Variants in CUX1 observed in about 807,000 individuals in gnomAD.
The protein encoded by CUX1 is cut like homeobox 1, also known as protein CASP.
In CUX1, 31 loss-of-function variants were observed where a neutral mutation model predicts 158.8. The ratio of observed to expected loss-of-function variants is 0.20; its 90% CI spans 0.15 to 0.26. The LOEUF (loss-of-function observed/expected upper bound fraction) is 0.26, where lower values mean the gene tolerates loss of function less well. Ranked by LOEUF, CUX1 falls within the 10% of genes least tolerant of loss-of-function variation. The probability of loss-of-function intolerance (pLI) is 1.00; values close to 1 mark genes in which losing one functional copy is unlikely to be tolerated. For synonymous variants in CUX1, 879 were observed against 862.1 expected (o/e 1.02, Z -0.34); for missense variants, 1,589 against 2,014.6 (o/e 0.79, Z 4.04).
chr7:102,243,653 T>TA (rs1472725398), intron 23 of CUX1, among the ~76,000 whole-genome samples: 5 of 144,366 alleles, frequency 3.5e-5, no homozygotes, highest in Admixed American at 7.0e-5. Flanking sequence ...ATAATAATAA[T>TA]AATAATAATA....
chr7:102,280,841 A>AC lies in CUX1; in HGVS notation c.1803dup (p.Lys602GlnfsTer58). 6.2e-7 allele frequency: 1 copy of AC among 1,612,710 alleles called. No homozygotes were observed. The highest frequency in any genetic ancestry group is 2.2e-5 in the East Asian group (1 of 44,872). On this transcript the variant is annotated frameshift_variant, in exon 20 of 23. Coordinates refer to the CUX1 transcript ENST00000292538. LOFTEE classifies it high-confidence loss of function. ...AAGTACCTGAGCTTGAGTCCCTGGG[A>AC]CAAGGCCACCCTCAGCATGGTGAGT...
At chr7:101,820,986 G>A (rs959199212) in intron 1 of CUX1, among the ~76,000 whole-genome samples, 5 of 152,200 alleles carry the variant, frequency 3.3e-5, no homozygotes, top group Non-Finnish European at 4.4e-5. Flanking sequence ...CAAAGCAGTC[G>A]TGCTGGGCGC....
At chr7:101,910,055 G>C (rs968290446) in intron 1 of CUX1, among the ~76,000 whole-genome samples, 2 of 152,160 alleles carry the variant, frequency 1.3e-5, no homozygotes, top group Non-Finnish European at 2.9e-5. Flanking sequence ...AAGTAGCTGG[G>C]ATTACAGATG....
intron 1 of CUX1, among the ~76,000 whole-genome samples, chr7:101,821,210 T>C (rs1584637611): frequency 6.6e-6 from 1 of 152,144 alleles, no homozygotes; most frequent in Non-Finnish European, 1.5e-5. Flanking sequence ...CATTTTATTA[T>C]ACCCCAATAA....
chr7:101,955,728 G>A (rs1450308226), intron 2 of CUX1, among the ~76,000 whole-genome samples: 1 of 152,152 alleles, frequency 6.6e-6, no homozygotes, highest in Non-Finnish European at 1.5e-5. Flanking sequence ...CTCCACTAAC[G>A]GGAAATCAGA....
intron 1 of CUX1, among the ~76,000 whole-genome samples, chr7:101,864,592 C>T (rs1453792640): frequency 6.6e-6 from 1 of 152,052 alleles, no homozygotes; most frequent in Non-Finnish European, 1.5e-5. Context: ...GCTCTGTCGC[C>T]CAGGCTGGGG....
chr7:102,226,492 C>T (rs1554528627), intron 20 of CUX1, among the ~76,000 whole-genome samples: 1 of 152,220 alleles, frequency 6.6e-6, no homozygotes. Context: ...GCCGTGATTG[C>T]ACCACTGCAC....
intron 3 of CUX1, among the ~76,000 whole-genome samples, chr7:102,046,768 A>ATTTTTTT: frequency 6.6e-6 from 1 of 150,682 alleles, no homozygotes; most frequent in Non-Finnish European, 1.5e-5. Context: ...TTTTGAAGAG[A>ATTTTTTT]TGAGGGCTTG....
chr7:101,989,463 A>C (rs1414362381), intron 2 of CUX1, among the ~76,000 whole-genome samples: 2 of 152,228 alleles, frequency 1.3e-5, no homozygotes, highest in East Asian at 3.9e-4. Context: ...ATGTTAGGAA[A>C]GTCTGTAAGC....
intron 6 of CUX1, among the ~76,000 whole-genome samples, chr7:102,105,320 C>T (rs548347825): frequency 9.9e-5 from 15 of 151,974 alleles, no homozygotes; most frequent in Admixed American, 4.6e-4. Context: ...GAGTTAGTAT[C>T]AGTAAAATAT....
intron 20 of CUX1, among the ~76,000 whole-genome samples, chr7:102,212,620 C>T (rs1308103990): frequency 6.6e-6 from 1 of 152,108 alleles, no homozygotes; most frequent in East Asian, 1.9e-4. Flanking sequence ...AGAAATCGGT[C>T]ACCATCCCTC....
intron 22 of CUX1, among the ~76,000 whole-genome samples, chr7:102,238,176 C>T (rs1799789589): frequency 6.6e-6 from 1 of 152,106 alleles, no homozygotes; most frequent in African/African-American, 2.4e-5. Flanking sequence ...GGAGCAGAGT[C>T]TTCTCTAAAC....
At chr7:102,271,632 G>A (rs1030433725) in intron 14 of CUX1, among the ~76,000 whole-genome samples, 12 of 152,202 alleles carry the variant, frequency 7.9e-5, no homozygotes, top group Non-Finnish European at 1.3e-4. Context: ...TCCAAGGCCG[G>A]GTCCTGCCTT....
chr7:101,899,861 T>A (rs1314468699), intron 1 of CUX1, among the ~76,000 whole-genome samples: 3 of 151,586 alleles, frequency 2.0e-5, no homozygotes, highest in Non-Finnish European at 4.4e-5. Flanking sequence ...ACTTGGAGAG[T>A]GTGGGGAGCT....
intron 3 of CUX1, among the ~76,000 whole-genome samples, chr7:102,034,055 A>G (rs1477104425): frequency 7.1e-6 from 1 of 140,778 alleles, no homozygotes; most frequent in Admixed American, 7.8e-5. Context: ...CTGAGGCAGG[A>G]GAATCGCTTA....
chr7:102,250,586 A>C lies in CUX1; in HGVS notation c.*1544A>C, dbSNP rs1801403182. On this transcript the variant is annotated 3_prime_UTR_variant, in exon 24 of 24. Coordinates refer to ENST00000292535, the MANE Select transcript of CUX1 (RefSeq NM_181552.4). ...GGCTCCCCACTCCCATCCCTGTAGAAATGGCCCAAACTCACACCAAAACGT... is the reference window on the plus strand; with the variant it reads ...GGCTCCCCACTCCCATCCCTGTAGACATGGCCCAAACTCACACCAAAACGT... 11 of 985,188 alleles carry C rather than the reference A, an allele frequency of 1.1e-5. No homozygotes were observed. The South Asian group carries it at 5.2e-4, about 46-fold the overall frequency. The allele number at this position is 985,188 out of a possible 1,614,324, so 61.0% of individuals were successfully genotyped here. A position where few individuals can be genotyped will look rare whatever the true frequency, so the allele number is the denominator to read the frequency against.
At position 101,937,485 on chromosome 7, in the gene CUX1, A is replaced by G. The variant is rs998737916; in HGVS notation, c.141+21260A>G. On this transcript the variant is annotated intron_variant, in intron 2 of 23. Coordinates refer to ENST00000292535, the MANE Select transcript of CUX1 (RefSeq NM_181552.4). ...TTGTGGGGGGCCTTCAGAATGAGGG[A>G]AAAGGGATAAATCAAAATCAAGTCT... 5.3e-5 allele frequency among the ~76,000 whole-genome samples: 8 copies of G among 151,926 alleles called. No individual in the cohort carries two copies. The East Asian group carries it at 5.8e-4, about 11-fold the overall frequency.
At chr7:102,262,272 C>T (rs548684854), downstream of CUX1, among the ~76,000 whole-genome samples, 2 of 152,288 alleles carry the variant, frequency 1.3e-5, no homozygotes, top group African/African-American at 4.8e-5. Context: ...GGCGTGGTGG[C>T]AGGCACCTGT....
chr7:102,100,265 G>A lies in CUX1; in HGVS notation c.406+2764G>A, dbSNP rs541519356. Among the ~76,000 whole-genome samples the A allele has an allele frequency of 3.3e-5, 5 of 152,268 alleles. No homozygotes were observed. In the South Asian group the frequency reaches 6.2e-4, roughly 19 times the overall value. Reference sequence around the variant, plus strand: ...TGTACTCCAGTCTGGGCAACAGAGCGAGACTCCATCTCTAAAAAAGAATGG... The same window carrying A: ...TGTACTCCAGTCTGGGCAACAGAGCAAGACTCCATCTCTAAAAAAGAATGG... On this transcript the variant is annotated intron_variant, in intron 5 of 23. Coordinates refer to ENST00000292535, the MANE Select transcript of CUX1 (RefSeq NM_181552.4).
Sources: allele counts gnomAD v4.1 joint callset (sites outside exome capture counted in the v4.1 genomes callset), GRCh38; gene constraint gnomAD v4.1.1; transcripts MANE v1.5; gene names NCBI Gene and HGNC (gene_info 2026-07-23, HGNC 2026-07-21).